The following CNTRL variants were observed in gnomAD, a reference collection of about 807,000 sequenced individuals.
The protein encoded by CNTRL is 110 kDa centrosomal protein.
A neutral mutation model predicts 303.7 loss-of-function variants in CNTRL; 233 were observed. The ratio of observed to expected loss-of-function variants is 0.77; its 90% CI spans 0.69 to 0.86. The LOEUF (loss-of-function observed/expected upper bound fraction) is 0.86. Ranked by LOEUF, CNTRL falls within the 40% of genes least tolerant of loss-of-function variation. CNTRL has a pLI of 0.00. For synonymous variants in CNTRL, 900 were observed against 922.2 expected (o/e 0.98, Z 0.44); for missense variants, 2,524 against 2,650.6 (o/e 0.95, Z 1.05).
chr9:121,154,486 G>T (rs1278015799), intron 26 of CNTRL, among the ~76,000 whole-genome samples: 1 of 152,148 alleles, frequency 6.6e-6, no homozygotes, highest in East Asian at 1.9e-4. Context: ...ATATTTAAAA[G>T]GGCAAACAAT....
intron 38 of CNTRL, 126 bp from the exon 39 acceptor site, chr9:121,169,485 T>C: frequency 2.2e-6 from 2 of 912,254 alleles, no homozygotes; most frequent in Non-Finnish European, 3.4e-6. Context: ...TGTACGACTT[T>C]GTAATGGAGG....
At chr9:121,160,562 T>G (rs1440711975) in intron 32 of CNTRL, among the ~76,000 whole-genome samples, 1 of 152,230 alleles carries the variant, frequency 6.6e-6, no homozygotes, top group East Asian at 1.9e-4. Flanking sequence ...AATTGAGGTA[T>G]AAACTGGAAC....
chr9:121,115,079 T>G lies in CNTRL; in HGVS notation c.1346-12T>G. On this transcript the variant is annotated splice_polypyrimidine_tract_variant and intron_variant, in intron 10 of 43. Coordinates refer to ENST00000373855, the MANE Select transcript of CNTRL (RefSeq NM_007018.6). ...GTTTCATATTATGTGAGCATGGTTT[T>G]TAAATTTGCAGCACAAACTCGACTA... 3 of 1,537,322 alleles carry G rather than the reference T, an allele frequency of 2.0e-6. No homozygotes were observed. The highest frequency in any genetic ancestry group is 1.2e-5 in the South Asian group (1 of 82,916).
At chr9:121,143,446 C>A (rs1763943581) in intron 19 of CNTRL, among the ~76,000 whole-genome samples, 1 of 152,182 alleles carries the variant, frequency 6.6e-6, no homozygotes, top group Non-Finnish European at 1.5e-5. Flanking sequence ...AGTCTCCCCT[C>A]CTGTAGCTTC....
At chr9:121,112,164 A>G (rs1171916330) in intron 8 of CNTRL, among the ~76,000 whole-genome samples, 1 of 152,200 alleles carries the variant, frequency 6.6e-6, no homozygotes, top group Non-Finnish European at 1.5e-5. Context: ...TAATTGATAC[A>G]AAAATATTTT....
intron 14 of CNTRL, among the ~76,000 whole-genome samples, chr9:121,130,571 C>A (rs940549975): frequency 2.0e-5 from 3 of 152,000 alleles, no homozygotes; most frequent in East Asian, 1.9e-4. Flanking sequence ...TTGATCTTTT[C>A]AAAAAACCAG....
At chr9:121,090,875 G>A (rs2048539900) in intron 4 of CNTRL, among the ~76,000 whole-genome samples, 1 of 152,212 alleles carries the variant, frequency 6.6e-6, no homozygotes, top group East Asian at 1.9e-4. Flanking sequence ...AAAGAAAGAG[G>A]TTTAATTGGA....
intron 2 of CNTRL, among the ~76,000 whole-genome samples, chr9:121,085,009 C>T (rs2048291172): frequency 6.6e-6 from 1 of 152,068 alleles, no homozygotes; most frequent in Non-Finnish European, 1.5e-5. Context: ...GCTTTAGTTC[C>T]TTCTGGAAGA....
At chr9:121,140,155 T>G (rs1376973877) in intron 16 of CNTRL, among the ~76,000 whole-genome samples, 1 of 152,182 alleles carries the variant, frequency 6.6e-6, no homozygotes, top group Non-Finnish European at 1.5e-5. Flanking sequence ...TTTTTCCATC[T>G]CTCCGAGCAT....
At chr9:121,160,042 T>C (rs1186111333) in intron 31 of CNTRL, 101 bp from the exon 32 acceptor site, 1 of 904,210 alleles carries the variant, frequency 1.1e-6, no homozygotes, top group East Asian at 3.1e-5. Context: ...GTTTCCAAAT[T>C]AGAATTTCTA....
intron 30 of CNTRL, chr9:121,158,509 A>G (rs1357872921): frequency 4.3e-6 from 1 of 234,700 alleles, no homozygotes; most frequent in Non-Finnish European, 8.3e-6. Context: ...TTTAATTTTA[A>G]AAATGAATAC....
At chr9:121,106,427 T>C (rs1232003221) in intron 7 of CNTRL, among the ~76,000 whole-genome samples, 1 of 151,492 alleles carries the variant, frequency 6.6e-6, no homozygotes, top group Non-Finnish European at 1.5e-5. Context: ...AGAATGAGAT[T>C]AGAGAAAAAA....
chr9:121,077,181 C>G (rs2047959087), intron 1 of CNTRL, among the ~76,000 whole-genome samples: 1 of 152,140 alleles, frequency 6.6e-6, no homozygotes, highest in Non-Finnish European at 1.5e-5. Flanking sequence ...ATGGCTTTCT[C>G]TTGCTCTGCA....
At chr9:121,117,905 G>A (rs966397808) in intron 11 of CNTRL, among the ~76,000 whole-genome samples, 4 of 151,836 alleles carry the variant, frequency 2.6e-5, no homozygotes, top group Non-Finnish European at 5.9e-5. Context: ...CGTGAACCCG[G>A]GATGCAGAGC....
At position 121,112,470 on chromosome 9, in the gene CNTRL, G is replaced by A. The variant is rs1361124677; in HGVS notation, c.1014G>A (p.Lys338=). The A allele has an allele frequency of 6.2e-7, 1 of 1,612,624 alleles. No homozygotes were observed. Among genetic ancestry groups the A allele is most frequent in the Non-Finnish European group, 8.5e-7 (1 of 1,179,120 alleles). Residue 338 remains lysine, a synonymous_variant, in exon 9 of 44, where the codon AAG becomes AAA. Coordinates refer to ENST00000373855, the MANE Select transcript of CNTRL (RefSeq NM_007018.6). The part of the protein sequence containing the change: ...LNTKNELLKQ[K]TIELTRACQK... ...AATTGGGCCAATAGCTAAAACAGAAGACCATAGAATTAACACGAGCATGTC... is the reference window on the plus strand; with the variant it reads ...AATTGGGCCAATAGCTAAAACAGAAAACCATAGAATTAACACGAGCATGTC...
chr9:121,124,774 CAA>C (rs5900470), intron 13 of CNTRL, among the ~76,000 whole-genome samples: 24 of 102,056 alleles, frequency 2.4e-4, no homozygotes, highest in Non-Finnish European at 2.6e-4. Flanking sequence ...CCCGTCTCTA[CAA>C]AAAAAAAAAA....
intron 24 of CNTRL, among the ~76,000 whole-genome samples, chr9:121,149,392 C>CA (rs11436005): frequency 2.0e-5 from 3 of 151,586 alleles, no homozygotes; most frequent in South Asian, 2.1e-4. Context: ...CATTCAGAAA[C>CA]TTTTTTTTGT....
chr9:121,154,379 ATTGTGGTAGTGGT>A (rs1174513184), intron 26 of CNTRL, among the ~76,000 whole-genome samples: 1 of 152,210 alleles, frequency 6.6e-6, no homozygotes, highest in African/African-American at 2.4e-5. Flanking sequence ...ATGGATGAAT[ATTGTGGTAGTGGT>A]TTGCTTTATT....
At chr9:121,097,765 ATATT>A (rs2048953165) in intron 6 of CNTRL, among the ~76,000 whole-genome samples, 2 of 152,154 alleles carry the variant, frequency 1.3e-5, no homozygotes. Flanking sequence ...AAATCAATAA[ATATT>A]TATTTCTAAT....
Sources: gnomAD v4.1 joint callset for allele counts (sites outside exome capture counted in the v4.1 genomes callset) on GRCh38, gnomAD v4.1.1 for gene constraint, MANE v1.5 for transcripts, NCBI Gene and HGNC (gene_info 2026-07-23, HGNC 2026-07-21) for gene names.